Variants in NRG1 observed in about 807,000 individuals in gnomAD.
NRG1 encodes pro-neuregulin-1, membrane-bound isoform.
Under a neutral mutation model 63.8 loss-of-function variants are expected in NRG1, and 18 were observed. That is an observed-to-expected ratio of 0.28 (90% confidence interval 0.19 to 0.42). The LOEUF (loss-of-function observed/expected upper bound fraction) is 0.42, where lower values mean the gene tolerates loss of function less well. NRG1 is among the 10% of genes least tolerant of loss of function. The probability of loss-of-function intolerance (pLI) is 1.00; values close to 1 mark genes in which losing one functional copy is unlikely to be tolerated. For synonymous variants in NRG1, 302 were observed against 301.3 expected (o/e 1.00, Z -0.02); for missense variants, 762 against 814.7 (o/e 0.94, Z 0.79).
intron 1 of NRG1, among the ~76,000 whole-genome samples, chr8:32,076,512 A>G (rs1826578439): frequency 1.3e-5 from 2 of 152,082 alleles, no homozygotes; most frequent in Non-Finnish European, 2.9e-5. Context: ...TTTGTAAGTA[A>G]CAGGTTTTGA....
chr8:32,018,417 G>T (rs1318287484), intron 1 of NRG1, among the ~76,000 whole-genome samples: 1 of 152,128 alleles, frequency 6.6e-6, no homozygotes, highest in Admixed American at 6.5e-5. Flanking sequence ...CCAATATTAA[G>T]TAGTACATCT....
intron 1 of NRG1, among the ~76,000 whole-genome samples, chr8:32,302,771 T>C (rs1855724988): frequency 7.2e-6 from 1 of 138,992 alleles, no homozygotes. Context: ...TTTCTTTGAC[T>C]ATTGACTCAC....
rs73244399 is a variant in NRG1 at position 31,901,830 on chromosome 8, A to C, written c.37+262399A>C. On this transcript the variant is annotated intron_variant, in intron 1 of 10. Coordinates refer to the NRG1 transcript ENST00000519301. ...TCAATATCAGTTCCTGGTTATTGTC[A>C]TCATTCCTTTATCAGAGTTTGTTTC... is the stretch of plus-strand genomic sequence containing the variant. Among the ~76,000 whole-genome samples, 801 of 152,322 alleles carry C rather than the reference A, an allele frequency of 5.3e-3. 1 individual carries two copies. Among genetic ancestry groups the C allele is most frequent in the Non-Finnish European group, 7.2e-3 (492 of 68,022 alleles).
intron 1 of NRG1, among the ~76,000 whole-genome samples, chr8:31,960,902 T>C (rs1187366856): frequency 6.6e-6 from 1 of 152,230 alleles, no homozygotes; most frequent in Admixed American, 6.5e-5. Flanking sequence ...CAGTTATTAT[T>C]TGTTGTACTT....
At chr8:31,718,507 A>G (rs1463683319) in intron 1 of NRG1, among the ~76,000 whole-genome samples, 1 of 152,244 alleles carries the variant, frequency 6.6e-6, no homozygotes, top group Non-Finnish European at 1.5e-5. Flanking sequence ...AATGTTTGCA[A>G]CAGGATTTGT....
intron 1 of NRG1, among the ~76,000 whole-genome samples, chr8:31,650,436 T>G (rs1804721447): frequency 6.6e-6 from 1 of 152,168 alleles, no homozygotes; most frequent in Non-Finnish European, 1.5e-5. Flanking sequence ...CTCTGACTGC[T>G]CCCTGAACAG....
intron 1 of NRG1, among the ~76,000 whole-genome samples, chr8:31,852,876 C>T (rs187101196): frequency 6.6e-6 from 1 of 152,278 alleles, no homozygotes; most frequent in East Asian, 1.9e-4. Flanking sequence ...AATCCTTTCC[C>T]CATTGCTTGT....
At chr8:31,913,344 A>G (rs56271634) in intron 1 of NRG1, among the ~76,000 whole-genome samples, 38,353 of 152,118 alleles carry the variant, frequency 0.25, 5,961 homozygotes, top group East Asian at 0.69. Flanking sequence ...AAAAGCATTT[A>G]TTGACCACAT....
chr8:32,044,913 CAAAAA>C, intron 1 of NRG1, among the ~76,000 whole-genome samples: 7 of 57,116 alleles, frequency 1.2e-4, no homozygotes, highest in African/African-American at 3.5e-4. Context: ...TAAAGAAAAG[CAAAAA>C]AAAAAAAAAA....
intron 1 of NRG1, among the ~76,000 whole-genome samples, chr8:32,575,529 C>G (rs1429038779): frequency 6.6e-6 from 1 of 151,822 alleles, no homozygotes; most frequent in East Asian, 1.9e-4. Context: ...TAGGACTGCT[C>G]AACTGCATGG....
chr8:31,818,317 C>G (rs1350074508), intron 1 of NRG1, among the ~76,000 whole-genome samples: 9 of 152,170 alleles, frequency 5.9e-5, no homozygotes, highest in African/African-American at 1.9e-4. Context: ...ATGTTTTAAG[C>G]CTTCTCCCAT....
intron 1 of NRG1, among the ~76,000 whole-genome samples, chr8:32,579,995 A>G (rs1181400558): frequency 6.6e-6 from 1 of 152,158 alleles, no homozygotes; most frequent in Non-Finnish European, 1.5e-5. Context: ...CCAAGGGAAG[A>G]TAATCTCCTT....
intron 1 of NRG1, among the ~76,000 whole-genome samples, chr8:32,438,188 G>T (rs1008660285): frequency 3.9e-5 from 6 of 152,024 alleles, no homozygotes; most frequent in Admixed American, 1.3e-4. Flanking sequence ...TACTTCCTTT[G>T]CCCACCCTCA....
intron 1 of NRG1, among the ~76,000 whole-genome samples, chr8:32,562,953 G>A (rs555674109): frequency 1.8e-4 from 27 of 152,226 alleles, no homozygotes; most frequent in Admixed American, 3.3e-4. Flanking sequence ...ATTCAAAGTC[G>A]GCATTTTATT....
chr8:32,731,054 G>A (rs1251715178), intron 6 of NRG1, among the ~76,000 whole-genome samples: 1 of 152,128 alleles, frequency 6.6e-6, no homozygotes, highest in Non-Finnish European at 1.5e-5. Flanking sequence ...TTTACAAGCT[G>A]AGTGAGTGCA....
At chr8:32,508,823 C>T (rs927028745) in intron 1 of NRG1, among the ~76,000 whole-genome samples, 2 of 151,506 alleles carry the variant, frequency 1.3e-5, no homozygotes, top group African/African-American at 4.8e-5. Flanking sequence ...GCAACCTCTA[C>T]CTCCCAGGTT....
At chr8:31,932,374 A>C (rs1246364958) in intron 1 of NRG1, among the ~76,000 whole-genome samples, 3 of 152,206 alleles carry the variant, frequency 2.0e-5, no homozygotes, top group Non-Finnish European at 4.4e-5. Flanking sequence ...CTACCCGACA[A>C]TATTGTCAAA....
intron 1 of NRG1, among the ~76,000 whole-genome samples, chr8:32,125,509 T>G (rs1415834361): frequency 6.6e-6 from 1 of 151,872 alleles, no homozygotes; most frequent in African/African-American, 2.4e-5. Context: ...CTGTCCAGAG[T>G]CAATATCACT....
chr8:32,061,608 A>G (rs1281969925), intron 1 of NRG1: 7 of 152,026 alleles, frequency 4.6e-5, no homozygotes, highest in African/African-American at 1.7e-4. Flanking sequence ...AGCATTGTAG[A>G]TGACCATGAA....
Sources: gnomAD v4.1 joint callset for allele counts (sites outside exome capture counted in the v4.1 genomes callset) on GRCh38, gnomAD v4.1.1 for gene constraint, MANE v1.5 for transcripts, NCBI Gene and HGNC (gene_info 2026-07-23, HGNC 2026-07-21) for gene names.